PHTF2: variants seen among roughly 807,000 people sequenced by gnomAD.
The protein encoded by PHTF2 is putative homeodomain transcription factor 2.
Under a neutral mutation model 101.2 loss-of-function variants are expected in PHTF2, and 60 were observed. The ratio of observed to expected loss-of-function variants is 0.59; its 90% CI spans 0.48 to 0.73. The LOEUF is 0.73. Among genes scored for constraint, PHTF2 ranks in the 30% least tolerant of loss-of-function variants. The pLI is 0.00. For missense variants in PHTF2, 747 were observed against 908.7 expected (o/e 0.82, Z 2.29); for synonymous variants, 311 against 307.3 (o/e 1.01, Z -0.13).
intron 7 of PHTF2, chr7:77,907,867 C>T (rs1383380912): frequency 6.6e-6 from 1 of 152,092 alleles, no homozygotes; most frequent in Non-Finnish European, 1.5e-5. Flanking sequence ...CTCCTTGGCC[C>T]TGGATTCAGG....
intron 1 of PHTF2, among the ~76,000 whole-genome samples, chr7:77,814,968 T>G (rs1562835562): frequency 6.6e-6 from 1 of 151,880 alleles, no homozygotes; most frequent in Non-Finnish European, 1.5e-5. Flanking sequence ...TTGCAGCTGC[T>G]CAGGAGGCTG....
At chr7:77,954,817 T>C (rs762052380) in intron 19 of PHTF2, 41 bp from the exon 19 acceptor site, 2 of 1,250,016 alleles carry the variant, frequency 1.6e-6, no homozygotes, top group South Asian at 2.7e-5. Flanking sequence ...AGCTTTGATA[T>C]TAAAACTGGC....
At chr7:77,874,299 C>CA (rs1360118882) in intron 3 of PHTF2, among the ~76,000 whole-genome samples, 12 of 152,174 alleles carry the variant, frequency 7.9e-5, no homozygotes, top group Admixed American at 7.9e-4. Context: ...CCAAAACCAA[C>CA]AAAAGAACTC....
chr7:77,950,467 C>T lies in PHTF2; in HGVS notation c.2115+634C>T, dbSNP rs192184750. Among the ~76,000 whole-genome samples, 11 of 152,128 alleles carry T rather than the reference C, an allele frequency of 7.2e-5. No homozygotes were observed. In the East Asian group the frequency reaches 2.1e-3, roughly 29 times the overall value. ...CTTGAGGTCAGGAGTTCAAGACCAG[C>T]CTGGCCAACAAGGTGAAACCCCATC... On this transcript the variant is annotated intron_variant, in intron 17 of 19. Coordinates refer to ENST00000416283, the Ensembl canonical transcript of PHTF2.
At chr7:77,899,176 T>C (rs908375997) in intron 5 of PHTF2, among the ~76,000 whole-genome samples, 1 of 152,186 alleles carries the variant, frequency 6.6e-6, no homozygotes, top group Non-Finnish European at 1.5e-5. Flanking sequence ...CACGAGACAC[T>C]GTTTTAAGCA....
chr7:77,944,979 T>G (rs1484011033), intron 16 of PHTF2, among the ~76,000 whole-genome samples: 2 of 152,022 alleles, frequency 1.3e-5, no homozygotes, highest in African/African-American at 4.8e-5. Context: ...AGGACAGAGA[T>G]AAAGAGACAG....
chr7:77,891,853 T>G (rs978996960), intron 3 of PHTF2, among the ~76,000 whole-genome samples: 8 of 152,136 alleles, frequency 5.3e-5, no homozygotes, highest in African/African-American at 1.4e-4. Flanking sequence ...CCCAAAGTAC[T>G]GAGATTGCAG....
intron 12 of PHTF2, among the ~76,000 whole-genome samples, chr7:77,931,942 A>G (rs1804607260): frequency 1.3e-5 from 2 of 152,168 alleles, no homozygotes; most frequent in South Asian, 2.1e-4. Flanking sequence ...TCTACTGAAA[A>G]TACAAAAATT....
chr7:77,863,937 C>T (rs1165702666), intron 3 of PHTF2, among the ~76,000 whole-genome samples: 1 of 151,996 alleles, frequency 6.6e-6, no homozygotes, highest in Non-Finnish European at 1.5e-5. Flanking sequence ...CCACCATCCC[C>T]GCTTAGTTTT....
chr7:77,903,881 C>T (rs1001440266), intron 7 of PHTF2, among the ~76,000 whole-genome samples: 2 of 152,160 alleles, frequency 1.3e-5, no homozygotes, highest in African/African-American at 2.4e-5. Context: ...TCTTGAAAGG[C>T]AGAAAGAATC....
At chr7:77,950,042 T>A (rs1347840982) in intron 17 of PHTF2, among the ~76,000 whole-genome samples, 6 of 152,232 alleles carry the variant, frequency 3.9e-5, no homozygotes, top group Non-Finnish European at 8.8e-5. Context: ...AATGTCCCAT[T>A]TTTATTTGAC....
intron 3 of PHTF2, among the ~76,000 whole-genome samples, chr7:77,855,129 G>A (rs1373866690): frequency 1.3e-5 from 2 of 152,226 alleles, no homozygotes; most frequent in Non-Finnish European, 2.9e-5. Context: ...AGTGAGTACC[G>A]CCTGGGTACC....
At chr7:77,924,868 CTT>C (rs1217139103) in intron 11 of PHTF2, among the ~76,000 whole-genome samples, 2 of 152,104 alleles carry the variant, frequency 1.3e-5, no homozygotes, top group Non-Finnish European at 2.9e-5. Flanking sequence ...AATGTGTAGA[CTT>C]TCATTTAATC....
At chr7:77,942,859 A>G (rs1805742438) in intron 16 of PHTF2, 73 bp downstream of exon 15, 2 of 742,398 alleles carry the variant, frequency 2.7e-6, no homozygotes, top group South Asian at 2.1e-5. Context: ...AAATAATCAA[A>G]TAATAATATA....
intron 2 of PHTF2, among the ~76,000 whole-genome samples, chr7:77,850,742 T>C (rs528256710): frequency 3.3e-5 from 5 of 152,240 alleles, no homozygotes; most frequent in African/African-American, 1.2e-4. Flanking sequence ...GTGTTTTAGA[T>C]CTTTGAGGAA....
intron 8 of PHTF2, 173 bp downstream of exon 7, chr7:77,909,131 C>A: frequency 2.1e-6 from 1 of 475,072 alleles, no homozygotes; most frequent in Non-Finnish European, 3.7e-6. Flanking sequence ...ATATTTGCTT[C>A]AAGGCCATTT....
intron 1 of PHTF2, among the ~76,000 whole-genome samples, chr7:77,835,907 G>T (rs899453876): frequency 6.6e-6 from 1 of 151,956 alleles, no homozygotes; most frequent in Non-Finnish European, 1.5e-5. Context: ...ATCACCTGAG[G>T]TCCGGAGTTT....
intron 1 of PHTF2, among the ~76,000 whole-genome samples, chr7:77,818,276 T>A (rs1794012505): frequency 6.6e-6 from 1 of 152,224 alleles, no homozygotes; most frequent in Admixed American, 6.5e-5. Context: ...TATAATCTCA[T>A]TTATTTTTGC....
chr7:77,877,223 C>T (rs2150737343), intron 3 of PHTF2, among the ~76,000 whole-genome samples: 1 of 151,118 alleles, frequency 6.6e-6, no homozygotes, highest in South Asian at 2.1e-4. Flanking sequence ...TCAAGCGATT[C>T]TCCTGCTTCA....
Sources: allele counts gnomAD v4.1 joint callset (sites outside exome capture counted in the v4.1 genomes callset), GRCh38; gene constraint gnomAD v4.1.1; transcripts MANE v1.5; gene names NCBI Gene and HGNC (gene_info 2026-07-23, HGNC 2026-07-21).